NALF1: variants seen among roughly 807,000 people sequenced by gnomAD.
NALF1 encodes the protein family with sequence similarity 155 member A.
A neutral mutation model predicts 48.4 loss-of-function variants in NALF1; 3 were observed. That is an observed-to-expected ratio of 0.06 (90% CI 0.03 to 0.16). NALF1 has a LOEUF of 0.16. Among genes scored for constraint, NALF1 ranks in the 10% least tolerant of loss-of-function variants. The pLI, the probability that NALF1 is intolerant of heterozygous loss-of-function variation, is 1.00. For missense variants in NALF1, 526 were observed against 571.5 expected, an observed-to-expected ratio of 0.92 and a Z score of 0.81; for synonymous variants, 262 against 245.7, an observed-to-expected ratio of 1.07 and a Z score of -0.62.
chr13:107,633,517 A>T (rs892716784), intron 1 of NALF1, among the ~76,000 whole-genome samples: 1 of 151,828 alleles, frequency 6.6e-6, no homozygotes, highest in African/African-American at 2.4e-5. Flanking sequence ...CCTATCACTT[A>T]TTTTATTCCT....
intron 1 of NALF1, among the ~76,000 whole-genome samples, chr13:107,293,258 G>A (rs1244434854): frequency 1.3e-5 from 2 of 152,108 alleles, no homozygotes; most frequent in East Asian, 3.9e-4. Context: ...AGGATTACAG[G>A]TGTGAGCCAC....
chr13:107,792,692 T>C (rs1392576308), intron 1 of NALF1, among the ~76,000 whole-genome samples: 1 of 152,168 alleles, frequency 6.6e-6, no homozygotes, highest in African/African-American at 2.4e-5. Flanking sequence ...TTAAAGTTCA[T>C]AAAAGAGTGA....
chr13:107,420,514 G>A (rs1044353326), intron 1 of NALF1, among the ~76,000 whole-genome samples: 2 of 152,010 alleles, frequency 1.3e-5, no homozygotes, highest in Non-Finnish European at 2.9e-5. Flanking sequence ...AAATGTCTTT[G>A]ACACTTTTCC....
At chr13:107,379,835 T>G (rs1040812162) in intron 1 of NALF1, among the ~76,000 whole-genome samples, 1 of 152,196 alleles carries the variant, frequency 6.6e-6, no homozygotes, top group Non-Finnish European at 1.5e-5. Context: ...ACACTTCCAT[T>G]CAGAGGGAAA....
At chr13:107,377,444 G>C (rs919989719) in intron 1 of NALF1, among the ~76,000 whole-genome samples, 1 of 152,052 alleles carries the variant, frequency 6.6e-6, no homozygotes, top group African/African-American at 2.4e-5. Context: ...AATGCATTTT[G>C]CATTTTGCAT....
In NALF1 at chr13:107,866,071, C is replaced by A. The variant is rs763832123; in HGVS notation, c.526G>T (p.Ala176Ser). 3.1e-6 allele frequency: 5 copies of A among 1,612,908 alleles called. No individual in the cohort carries two copies. In the South Asian group the frequency reaches 4.4e-5, roughly 14 times the overall value. ...ACCGTGAAGCACTGGCCCGAGGACG[C>A]GCCCTGGGGGTAACAAGTCTCCAGG... ...WRLETCYPQG[A>S]SSGQCFTVEN... The change falls in exon 1 of 3, where the codon GCG (alanine) becomes TCG (serine). Residue 176 changes from alanine (A) to serine (S), a missense_variant. Around this residue, in one of 2 missense-constraint regions of NALF1, gnomAD observed 373 missense variants for 355.5 expected, o/e 1.05. Transcript: ENST00000375915. This position sits in a 1 kb window ranked among gnomAD's most constrained non-coding sequence, Gnocchi z 4.4.
chr13:107,563,517 T>C (rs1877705616), intron 1 of NALF1, among the ~76,000 whole-genome samples: 1 of 152,184 alleles, frequency 6.6e-6, no homozygotes, highest in African/African-American at 2.4e-5. Context: ...ACACAGCAAT[T>C]GTATTCTTTT....
intron 1 of NALF1, among the ~76,000 whole-genome samples, chr13:107,828,552 G>C (rs1455983345): frequency 1.4e-5 from 2 of 146,582 alleles, no homozygotes; most frequent in Non-Finnish European, 3.0e-5. Flanking sequence ...AATAGGTAGA[G>C]AGTCATATTA....
chr13:107,280,391 G>T (rs936868528), intron 1 of NALF1, among the ~76,000 whole-genome samples: 3 of 152,124 alleles, frequency 2.0e-5, no homozygotes, highest in Non-Finnish European at 2.9e-5. Context: ...ACCACATGAG[G>T]TTTGTTAAAC....
chr13:107,440,114 T>C (rs1355588074), intron 1 of NALF1, among the ~76,000 whole-genome samples: 1 of 152,242 alleles, frequency 6.6e-6, no homozygotes, highest in African/African-American at 2.4e-5. Flanking sequence ...AGGGATTTTC[T>C]AGTTCAACAA....
chr13:107,338,334 G>A (rs1882600694), intron 1 of NALF1, among the ~76,000 whole-genome samples: 1 of 152,294 alleles, frequency 6.6e-6, no homozygotes, highest in South Asian at 2.1e-4. Context: ...ATAGGGGACT[G>A]AGTACAAGTA....
At chr13:107,350,918 A>G (rs971422960) in intron 1 of NALF1, among the ~76,000 whole-genome samples, 1 of 152,212 alleles carries the variant, frequency 6.6e-6, no homozygotes, top group African/African-American at 2.4e-5. Context: ...GAATCACACT[A>G]GGAGACCACT....
At chr13:107,674,329 A>C (rs529642090) in intron 1 of NALF1, among the ~76,000 whole-genome samples, 1 of 152,344 alleles carries the variant, frequency 6.6e-6, no homozygotes, top group Admixed American at 6.5e-5. Context: ...GCTATCAAGC[A>C]TCTTAAACAA....
At chr13:107,791,778 C>T (rs9634465) in intron 1 of NALF1, among the ~76,000 whole-genome samples, 21,880 of 137,678 alleles carry the variant, frequency 0.16, 1,925 homozygotes, top group Admixed American at 0.28. Context: ...TGGTGATCCC[C>T]GCCCCCCCCC....
chr13:107,342,708 A>G (rs542518202), intron 1 of NALF1, among the ~76,000 whole-genome samples: 1 of 152,314 alleles, frequency 6.6e-6, no homozygotes, highest in African/African-American at 2.4e-5. Flanking sequence ...AAAATGTTTT[A>G]TGTTAGCCCC....
At chr13:107,236,327 A>G (rs2138830214) in intron 1 of NALF1, among the ~76,000 whole-genome samples, 1 of 152,264 alleles carries the variant, frequency 6.6e-6, no homozygotes, top group African/African-American at 2.4e-5. Flanking sequence ...GGGAGCCTCA[A>G]TCTCCCCTAT....
chr13:107,587,011 T>TAC (rs1467001200), intron 1 of NALF1, among the ~76,000 whole-genome samples: 1 of 152,038 alleles, frequency 6.6e-6, no homozygotes, highest in Non-Finnish European at 1.5e-5. Flanking sequence ...CCAAAAGTAT[T>TAC]ACATTGCCAC....
At chr13:107,420,321 T>C (rs757964110) in intron 1 of NALF1, among the ~76,000 whole-genome samples, 2 of 152,204 alleles carry the variant, frequency 1.3e-5, no homozygotes, top group Non-Finnish European at 2.9e-5. Context: ...AAACTTCTCA[T>C]ACATTGCTAA....
intron 1 of NALF1, among the ~76,000 whole-genome samples, chr13:107,504,391 T>C (rs1265280772): frequency 6.6e-6 from 1 of 152,082 alleles, no homozygotes; most frequent in African/African-American, 2.4e-5. Flanking sequence ...AAGTTTATTG[T>C]GGAGGGATTT....
Sources: allele counts gnomAD v4.1 joint callset (sites outside exome capture counted in the v4.1 genomes callset), GRCh38; gene constraint gnomAD v4.1.1; regional missense constraint gnomAD v4.1.1; non-coding constraint Gnocchi (gnomAD v3.1); transcripts MANE v1.5; gene names NCBI Gene and HGNC (gene_info 2026-07-23, HGNC 2026-07-21).